Variants in MARCHF1 observed in about 807,000 individuals in gnomAD.
MARCHF1 encodes the protein E3 ubiquitin-protein ligase MARCHF1.
MARCHF1 carries 40 observed loss-of-function variants against 54.2 expected under a neutral mutation model. The ratio of observed to expected loss-of-function variants is 0.74; its 90% CI spans 0.57 to 0.96. MARCHF1 has a LOEUF of 0.96. Ranked by LOEUF, MARCHF1 falls within the 40% of genes least tolerant of loss-of-function variation. MARCHF1 has a pLI of 0.00. For synonymous variants in MARCHF1, 236 were observed against 236.3 expected, an observed-to-expected ratio of 1.00 and a Z score of 0.01; for missense variants, 586 against 656.5, an observed-to-expected ratio of 0.89 and a Z score of 1.17.
intron 8 of MARCHF1, among the ~76,000 whole-genome samples, chr4:163,553,107 C>T (rs1303925116): frequency 6.6e-6 from 1 of 151,862 alleles, no homozygotes; most frequent in Non-Finnish European, 1.5e-5. Context: ...ACTGTGTGAC[C>T]TTGGGTGAGT....
chr4:164,192,105 T>C (rs568144072), intron 1 of MARCHF1, among the ~76,000 whole-genome samples: 1 of 152,252 alleles, frequency 6.6e-6, no homozygotes, highest in African/African-American at 2.4e-5. Flanking sequence ...TTGCAGTGCA[T>C]TCCCAAGAAT....
chr4:163,628,569 A>T (rs1741955431), intron 5 of MARCHF1, among the ~76,000 whole-genome samples: 1 of 152,222 alleles, frequency 6.6e-6, no homozygotes, highest in Non-Finnish European at 1.5e-5. Flanking sequence ...AAGAGGAAGA[A>T]ATAAAGGGTA....
chr4:164,376,584 C>A (rs548672443), intron 1 of MARCHF1, among the ~76,000 whole-genome samples: 2 of 152,044 alleles, frequency 1.3e-5, no homozygotes, highest in Non-Finnish European at 2.9e-5. Flanking sequence ...CTTCCATGGC[C>A]GGTTGAGGCT....
intron 3 of MARCHF1, among the ~76,000 whole-genome samples, chr4:163,985,368 A>C (rs1752841695): frequency 6.6e-6 from 1 of 152,128 alleles, no homozygotes; most frequent in Admixed American, 6.5e-5. Flanking sequence ...TGGACATAAT[A>C]TATTATTTTG....
intron 4 of MARCHF1, among the ~76,000 whole-genome samples, chr4:163,711,611 A>G (rs1745107047): frequency 6.6e-6 from 1 of 152,218 alleles, no homozygotes; most frequent in Non-Finnish European, 1.5e-5. Flanking sequence ...AAGGATCACC[A>G]CAAACTGACT....
In MARCHF1 at chr4:164,092,449, G is replaced by C. The variant is rs959910481; in HGVS notation, c.-248+19139C>G. ...GGTGGGGGAGCTGACTGAGGGCTCA[G>C]TTAAGGCATTCTGTGAAGTTGGAGT... On this transcript the variant is annotated intron_variant, in intron 2 of 9. Transcript: ENST00000514618. 2.0e-5 allele frequency among the ~76,000 whole-genome samples: 3 copies of C among 152,138 alleles called. No individual in the cohort carries two copies. In the East Asian group the frequency reaches 5.8e-4, roughly 29 times the overall value.
intron 3 of MARCHF1, among the ~76,000 whole-genome samples, chr4:163,866,064 T>C (rs1206872005): frequency 6.6e-6 from 1 of 151,786 alleles, no homozygotes; most frequent in Non-Finnish European, 1.5e-5. Context: ...TATTTTCTTC[T>C]TGACTTTGGT....
intron 4 of MARCHF1, among the ~76,000 whole-genome samples, chr4:163,707,535 CT>C (rs1379839168): frequency 5.3e-5 from 8 of 151,760 alleles, no homozygotes; most frequent in Non-Finnish European, 7.4e-5. Context: ...ACTCATCATG[CT>C]GAAAAAATTT....
chr4:164,147,784 G>T (rs1729800317), intron 1 of MARCHF1, among the ~76,000 whole-genome samples: 2 of 148,570 alleles, frequency 1.3e-5, no homozygotes, highest in African/African-American at 5.0e-5. Context: ...TAACTAACCT[G>T]CACATTGTGC....
Position 164,111,575 on chromosome 4 carries a change from T to C in MARCHF1, c.-248+13A>G, listed in dbSNP as rs1755834657. The C allele has an allele frequency of 6.6e-6, 1 of 151,730 alleles. No homozygotes were observed. Among genetic ancestry groups the C allele is most frequent in the South Asian group, 2.1e-4 (1 of 4,828 alleles). 9.4% of individuals were successfully genotyped at this position (151,730 alleles called of 1,614,324 possible). ...TTTATTTAAAGAATAAAGATAAAAA[T>C]AGATGAACTTACAAAATACAGCAGT... On this transcript the variant is annotated intron_variant, in intron 2 of 9. Coordinates refer to ENST00000514618, the MANE Select transcript of MARCHF1 (RefSeq NM_001394959.1).
intron 2 of MARCHF1, among the ~76,000 whole-genome samples, chr4:164,034,108 T>TAGATAGACAGAC (rs1553971759): frequency 7.2e-6 from 1 of 139,040 alleles, no homozygotes; most frequent in South Asian, 2.4e-4. Flanking sequence ...GATAGATAGA[T>TAGATAGACAGAC]AGATAGATAG....
intron 1 of MARCHF1, among the ~76,000 whole-genome samples, chr4:164,327,345 G>A (rs1190889561): frequency 6.6e-6 from 1 of 152,142 alleles, no homozygotes; most frequent in Non-Finnish European, 1.5e-5. Context: ...TTAAAGAATG[G>A]AGGAAAAGTG....
intron 4 of MARCHF1, among the ~76,000 whole-genome samples, chr4:163,799,075 C>G (rs562489922): frequency 6.6e-6 from 1 of 152,092 alleles, no homozygotes; most frequent in East Asian, 1.9e-4. Flanking sequence ...GACTGCCACA[C>G]ATGGCTATTT....
At chr4:164,367,646 C>A (rs899514097) in intron 1 of MARCHF1, among the ~76,000 whole-genome samples, 16 of 151,472 alleles carry the variant, frequency 1.1e-4, no homozygotes, top group Non-Finnish European at 2.1e-4. Flanking sequence ...TTTTCCCCTT[C>A]TTTTTTACCT....
At chr4:164,156,207 C>T (rs908162106) in intron 1 of MARCHF1, among the ~76,000 whole-genome samples, 4 of 152,010 alleles carry the variant, frequency 2.6e-5, no homozygotes, top group African/African-American at 9.7e-5. Flanking sequence ...AACAAGAACT[C>T]CAAAAAATTT....
At chr4:164,313,735 A>G (rs1473059171) in intron 1 of MARCHF1, among the ~76,000 whole-genome samples, 3 of 152,152 alleles carry the variant, frequency 2.0e-5, no homozygotes, top group South Asian at 2.1e-4. Flanking sequence ...CTCTCCCTAG[A>G]TTTCCTAACT....
chr4:163,952,734 C>G (rs930150379), intron 3 of MARCHF1, among the ~76,000 whole-genome samples: 1 of 152,144 alleles, frequency 6.6e-6, no homozygotes, highest in Non-Finnish European at 1.5e-5. Flanking sequence ...TGCCTGCCAG[C>G]TATCTCCCTT....
At chr4:163,938,636 G>T (rs140793356) in intron 3 of MARCHF1, among the ~76,000 whole-genome samples, 1 of 152,070 alleles carries the variant, frequency 6.6e-6, no homozygotes, top group Non-Finnish European at 1.5e-5. Context: ...TGTACTAGTC[G>T]GGTTTCATGC....
intron 8 of MARCHF1, among the ~76,000 whole-genome samples, chr4:163,568,912 T>C (rs934341253): frequency 3.9e-5 from 6 of 152,060 alleles, no homozygotes; most frequent in African/African-American, 1.4e-4. Flanking sequence ...GCCAGAAAAC[T>C]AAGGTGAATC....
Sources: allele counts gnomAD v4.1 joint callset (sites outside exome capture counted in the v4.1 genomes callset), GRCh38; gene constraint gnomAD v4.1.1; transcripts MANE v1.5; gene names NCBI Gene and HGNC (gene_info 2026-07-23, HGNC 2026-07-21).